RUBCN: variants seen among roughly 807,000 people sequenced by gnomAD.
The protein encoded by RUBCN is run domain Beclin-1-interacting and cysteine-rich domain-containing protein.
In RUBCN, 74 loss-of-function variants were observed where a neutral mutation model predicts 113.2. The observed-to-expected ratio is 0.65, with a 90% CI of 0.54 to 0.79. The LOEUF is 0.79. RUBCN is among the 30% of genes least tolerant of loss of function. The probability of loss-of-function intolerance (pLI) is 0.00; values close to 1 mark genes in which losing one functional copy is unlikely to be tolerated. For synonymous variants in RUBCN, 480 were observed against 490.0 expected, an observed-to-expected ratio of 0.98 and a Z score of 0.27; for missense variants, 1,109 against 1,251.7, an observed-to-expected ratio of 0.89 and a Z score of 1.72.
chr3:197,692,707 GAAATC>G (rs1722559060), intron 11 of RUBCN, among the ~76,000 whole-genome samples: 2 of 152,100 alleles, frequency 1.3e-5, no homozygotes, highest in South Asian at 4.1e-4. Flanking sequence ...GTCATACATA[GAAATC>G]AGAGACATTA....
At chr3:197,731,019 T>C (rs1036941578) in intron 1 of RUBCN, among the ~76,000 whole-genome samples, 6 of 151,782 alleles carry the variant, frequency 4.0e-5, no homozygotes, top group Non-Finnish European at 5.9e-5. Context: ...TTTTTATTGA[T>C]CATTCTTGGG....
At chr3:197,676,561 C>A in intron 18 of RUBCN, 1 of 1,185,432 alleles carries the variant, frequency 8.4e-7, no homozygotes, top group Non-Finnish European at 1.1e-6. Flanking sequence ...GACCCGCCCA[C>A]CTCGGCCTCC....
chr3:197,718,753 T>A (rs916736391), intron 1 of RUBCN, among the ~76,000 whole-genome samples: 1 of 152,138 alleles, frequency 6.6e-6, no homozygotes, highest in African/African-American at 2.4e-5. Context: ...ATCCATTTCT[T>A]AACAATGACA....
At chr3:197,746,815 C>A (rs9862273) in intron 1 of RUBCN, among the ~76,000 whole-genome samples, 1 of 152,164 alleles carries the variant, frequency 6.6e-6, no homozygotes, top group East Asian at 1.9e-4. Flanking sequence ...CTGCTGTACA[C>A]CAACAAAGGC....
In RUBCN at chr3:197,736,892, C is replaced by T; in HGVS notation, c.-173G>A. 7.3e-7 allele frequency: 1 copy of T among 1,366,870 alleles called. No homozygotes were observed. Among genetic ancestry groups the T allele is most frequent in the Non-Finnish European group, 9.4e-7 (1 of 1,067,226 alleles). The allele number at this position is 1,366,870 out of a possible 1,614,324, so 84.7% of individuals were successfully genotyped here. On this transcript the variant is annotated 5_prime_UTR_variant, in exon 1 of 20. Coordinates refer to ENST00000296343, the MANE Select transcript of RUBCN (RefSeq NM_014687.4). ...GGGACCGCCGCCTGGGCTGCGGCTT[C>T]TATCCCGGCCACCCCCACTTCCGGC...
chr3:197,681,170 T>C lies in RUBCN; in HGVS notation c.2389A>G (p.Ser797Gly). Residue 797 changes from serine (S) to glycine (G), a missense_variant, in exon 16 of 20, where the codon AGT (serine) becomes GGT (glycine). Coordinates refer to ENST00000296343, the MANE Select transcript of RUBCN (RefSeq NM_014687.4). The surrounding 1 kb of genome is among the most constrained non-coding windows in gnomAD (Gnocchi z 5.5). ...AGCTTGACCTTCCTATAGAGGGCACTGTTTATGTCCTGCACGTTGAAGAGA... is the reference window on the plus strand; with the variant it reads ...AGCTTGACCTTCCTATAGAGGGCACCGTTTATGTCCTGCACGTTGAAGAGA... ...DPLFNVQDIN[S>G]ALYRKVKLLN... 1.9e-6 allele frequency: 3 copies of C among 1,614,092 alleles called. No homozygotes were observed. Among genetic ancestry groups the C allele is most frequent in the Non-Finnish European group, 2.5e-6 (3 of 1,179,974 alleles).
rs1252397277 is a variant in RUBCN, at chr3:197,681,336, G to A, written c.2223C>T (p.Tyr741=). 6.2e-7 allele frequency: 1 copy of A among 1,614,040 alleles called. No homozygotes were observed. The highest frequency in any genetic ancestry group is 8.5e-7 in the Non-Finnish European group (1 of 1,179,896). ...DYIKRLRYCE[Y]LGKYFCQCCH... ...AGCACTGGCAGAAGTACTTGCCCAG[G>A]TACTCACAGTACCGCAGTCGCTTGA... Residue 741 remains tyrosine, a synonymous_variant, in exon 16 of 20, where the codon TAC becomes TAT. Transcript: ENST00000296343. The surrounding 1 kb of genome is among the most constrained non-coding windows in gnomAD (Gnocchi z 5.5).
chr3:197,700,732 G>T lies in RUBCN; in HGVS notation c.1142C>A (p.Ser381Tyr). Residue 381 changes from serine (S) to tyrosine (Y), a missense_variant, in exon 7 of 20, where the codon TCC (serine) becomes TAC (tyrosine). Physicochemically the swap from Ser to Tyr is moderately radical, Grantham distance 144. This residue lies in a region of RUBCN where 736 missense variants were observed against 779.6 expected (regional missense o/e 0.94). Transcript: ENST00000296343. ...GAAGCTGGACCTGCGGAGGACACTG[G>T]ACAGCTGGCTCTCCCCACCTCCTTC... is the stretch of plus-strand genomic sequence containing the variant. Reference protein sequence around the residue: ...DQEGGGESQLSSVLRRSSFSE... With the variant: ...DQEGGGESQLYSVLRRSSFSE... 1.2e-6 allele frequency: 2 copies of T among 1,614,216 alleles called. No individual in the cohort carries two copies. The highest frequency in any genetic ancestry group is 1.7e-6 in the Non-Finnish European group (2 of 1,180,034).
At chr3:197,692,914 T>C (rs920973333) in intron 11 of RUBCN, among the ~76,000 whole-genome samples, 10 of 152,336 alleles carry the variant, frequency 6.6e-5, no homozygotes, top group Admixed American at 4.6e-4. Flanking sequence ...TATGTTATAA[T>C]GGAGAATTAT....
chr3:197,707,442 A>C (rs1283749496), intron 2 of RUBCN, among the ~76,000 whole-genome samples: 1 of 152,210 alleles, frequency 6.6e-6, no homozygotes, highest in Non-Finnish European at 1.5e-5. Context: ...AAATGGAAAA[A>C]ATTGATTATT....
At chr3:197,731,092 T>C (rs376789393) in intron 1 of RUBCN, among the ~76,000 whole-genome samples, 95 of 151,958 alleles carry the variant, frequency 6.3e-4, no homozygotes, top group Non-Finnish European at 6.8e-4. Context: ...GGTCAGCAGA[T>C]AAACAAGTGA....
rs1375002763 is a variant in RUBCN, at chr3:197,697,041, T to C, written c.1270A>G (p.Asn424Asp). 5.7e-6 allele frequency: 9 copies of C among 1,573,962 alleles called. No individual in the cohort carries two copies. The highest frequency in any genetic ancestry group is 7.9e-6 in the Non-Finnish European group (9 of 1,143,566). The change falls in exon 8 of 20, where the codon AAT (asparagine) becomes GAT (aspartate). Residue 424 changes from asparagine to aspartate, a missense_variant. Asn to Asp is a conservative substitution (Grantham distance 23). Transcript: ENST00000296343. Reference protein sequence around the residue: ...IASRGAPESCNDKAKLRGPLP... With the variant: ...IASRGAPESCDDKAKLRGPLP... Reference sequence around the variant, plus strand: ...GGGCCTCTCAACTTCGCCTTATCATTGCAGGATTCTAATGACGATGACCAC... The same window carrying C: ...GGGCCTCTCAACTTCGCCTTATCATCGCAGGATTCTAATGACGATGACCAC...
Position 197,701,111 on chromosome 3 carries a change from G to A in RUBCN, c.763C>T (p.Pro255Ser), listed in dbSNP as rs1580255849. 2 of 1,571,466 alleles carry A rather than the reference G, an allele frequency of 1.3e-6. No individual in the cohort carries two copies. Among genetic ancestry groups the A allele is most frequent in the East Asian group, 2.3e-5 (1 of 44,396 alleles). Residue 255 changes from proline (P) to serine (S), a missense_variant, in exon 7 of 20, where the codon CCC becomes TCC. Transcript: ENST00000296343. ...RSTSFPLSGP[P>S]RKPQESRGHV... is the part of the protein sequence containing the mutation. ...CCTCTGCTTTCTTGAGGTTTCCGGGGAGGGCCAGAGAGTGGAAAGGAAGTA... is the reference window on the plus strand; with the variant it reads ...CCTCTGCTTTCTTGAGGTTTCCGGGAAGGGCCAGAGAGTGGAAAGGAAGTA...
chr3:197,737,984 G>C (rs138182923), upstream of RUBCN, among the ~76,000 whole-genome samples: 22 of 152,186 alleles, frequency 1.4e-4, no homozygotes, highest in African/African-American at 4.6e-4. Flanking sequence ...GAACTCCTGG[G>C]CTCAAGCAGT....
chr3:197,727,527 C>T (rs1266630708), intron 1 of RUBCN, among the ~76,000 whole-genome samples: 1 of 152,168 alleles, frequency 6.6e-6, no homozygotes, highest in Non-Finnish European at 1.5e-5. Flanking sequence ...AAGGATTGGA[C>T]AGTCTGCAGC....
At chr3:197,710,622 T>C (rs1406100971) in intron 2 of RUBCN, among the ~76,000 whole-genome samples, 1 of 146,852 alleles carries the variant, frequency 6.8e-6, no homozygotes, top group African/African-American at 2.5e-5. Context: ...AAGAAAGAAA[T>C]GTCAACAGAC....
Position 197,671,139 on chromosome 3 carries a change from C to T in RUBCN, c.*3879G>A, listed in dbSNP as rs1719750762. On this transcript the variant is annotated 3_prime_UTR_variant, in exon 20 of 20. Coordinates refer to ENST00000296343, the MANE Select transcript of RUBCN (RefSeq NM_014687.4). The stretch of plus-strand genomic sequence containing the variant: ...AAGTGATTCTCATGATTCAGCCTCC[C>T]GAGTAGCTGGGATTACAAGCACATG... Among the ~76,000 whole-genome samples, 1 of 152,102 alleles carries T rather than the reference C, an allele frequency of 6.6e-6. No individual in the cohort carries two copies. Among genetic ancestry groups the T allele is most frequent in the African/African-American group, 2.4e-5 (1 of 41,396 alleles).
chr3:197,740,152 T>G (rs980465953), upstream of RUBCN, among the ~76,000 whole-genome samples: 1 of 152,218 alleles, frequency 6.6e-6, no homozygotes, highest in Non-Finnish European at 1.5e-5. Flanking sequence ...TTAAAGCCAT[T>G]AATAAACATG....
chr3:197,710,123 T>C (rs1376636697), intron 2 of RUBCN, among the ~76,000 whole-genome samples: 1 of 150,478 alleles, frequency 6.6e-6, no homozygotes, highest in Non-Finnish European at 1.5e-5. Flanking sequence ...TGAGCTGAGA[T>C]CGTGCCACTG....
Sources: allele counts gnomAD v4.1 joint callset (sites outside exome capture counted in the v4.1 genomes callset), GRCh38; gene constraint gnomAD v4.1.1; regional missense constraint gnomAD v4.1.1; non-coding constraint Gnocchi (gnomAD v3.1); transcripts MANE v1.5; gene names NCBI Gene and HGNC (gene_info 2026-07-23, HGNC 2026-07-21).